GATAD2A: variants seen among roughly 807,000 people sequenced by gnomAD.
The protein encoded by GATAD2A is transcriptional repressor p66-alpha.
In GATAD2A, 12 loss-of-function variants were observed where a neutral mutation model predicts 68.5. The observed-to-expected ratio is 0.18, with a 90% CI of 0.11 to 0.28. The LOEUF is 0.28. Ranked by LOEUF, GATAD2A falls within the 10% of genes least tolerant of loss-of-function variation. GATAD2A has a pLI of 1.00. For missense variants in GATAD2A, 755 were observed against 868.5 expected (o/e 0.87, Z 1.64); for synonymous variants, 410 against 375.3 (o/e 1.09, Z -1.07).
chr19:19,454,736 C>CCA (rs1555707204), intron 1 of GATAD2A, among the ~76,000 whole-genome samples: 3 of 128,654 alleles, frequency 2.3e-5, no homozygotes, highest in Admixed American at 1.6e-4. Flanking sequence ...GTGCCCCCCC[C>CCA]CACCCCCTTA....
rs373322428 is a variant in GATAD2A at position 19,465,431 on chromosome 19, T to C, written c.86T>C (p.Ile29Thr). 2 of 1,613,236 alleles carry C rather than the reference T, an allele frequency of 1.2e-6. No individual in the cohort carries two copies. Among genetic ancestry groups the C allele is most frequent in the Middle Eastern group, 1.6e-4 (1 of 6,062 alleles). Residue 29 changes from isoleucine (I) to threonine (T), a missense_variant, in exon 2 of 12, where the codon ATA becomes ACA. Coordinates refer to ENST00000683918, the MANE Select transcript of GATAD2A (RefSeq NM_001384528.1). ...PTEDDVESKK[I>T]KMERGLLASD... ...GAGGACGATGTGGAGAGCAAGAAAATAAAAATGGAGAGAGGATTGTTGGCT... is the reference window on the plus strand; with the variant it reads ...GAGGACGATGTGGAGAGCAAGAAAACAAAAATGGAGAGAGGATTGTTGGCT...
intron 2 of GATAD2A, among the ~76,000 whole-genome samples, chr19:19,481,744 G>T (rs1315816966): frequency 1.3e-5 from 2 of 152,302 alleles, no homozygotes; most frequent in East Asian, 3.9e-4. Flanking sequence ...ACACCTCAGG[G>T]ACTTAGCTTG....
intron 1 of GATAD2A, among the ~76,000 whole-genome samples, chr19:19,440,823 C>T (rs1481835340): frequency 2.6e-5 from 4 of 152,224 alleles, no homozygotes; most frequent in Admixed American, 6.5e-5. Context: ...TTTCTGATAA[C>T]TTTAAAACGT....
chr19:19,441,426 C>T (rs1171515998), intron 1 of GATAD2A, among the ~76,000 whole-genome samples: 1 of 151,026 alleles, frequency 6.6e-6, no homozygotes, highest in Non-Finnish European at 1.5e-5. Flanking sequence ...TCTTGCTCTG[C>T]CACCTAGGCT....
At chr19:19,398,983 CG>C (rs1416969237) in intron 1 of GATAD2A, among the ~76,000 whole-genome samples, 3 of 152,044 alleles carry the variant, frequency 2.0e-5, no homozygotes, top group Non-Finnish European at 4.4e-5. Flanking sequence ...CGCTTGAACC[CG>C]GGCAGCAGGG....
intron 1 of GATAD2A, among the ~76,000 whole-genome samples, chr19:19,460,952 T>C (rs2057379693): frequency 6.6e-6 from 1 of 152,138 alleles, no homozygotes; most frequent in Non-Finnish European, 1.5e-5. Flanking sequence ...CGTCCCTCTG[T>C]GTGCTCTGAC....
chr19:19,490,764 T>C (rs1468653278), intron 2 of GATAD2A, among the ~76,000 whole-genome samples: 1 of 152,136 alleles, frequency 6.6e-6, no homozygotes, highest in Non-Finnish European at 1.5e-5. Context: ...TGCATGCCTG[T>C]AATCCAGCTA....
intron 1 of GATAD2A, among the ~76,000 whole-genome samples, chr19:19,455,432 G>A (rs1018549991): frequency 2.6e-5 from 4 of 152,122 alleles, no homozygotes; most frequent in African/African-American, 9.7e-5. Context: ...AGAGGTTGCA[G>A]TGAGCTGAGA....
Position 19,388,134 on chromosome 19 carries a change from C to T in GATAD2A, c.-7+1996C>T, listed in dbSNP as rs570287079. Among the ~76,000 whole-genome samples the T allele has an allele frequency of 4.6e-5, 7 of 151,394 alleles. No individual in the cohort carries two copies. In the South Asian group the frequency reaches 1.3e-3, roughly 27 times the overall value. The stretch of plus-strand genomic sequence containing the variant: ...TGCAATGGTGTGATCTCTGGCTCAC[C>T]GCAACCTCCGCCTCCTGGGTTCAAG... On this transcript the variant is annotated intron_variant, in intron 1 of 11. Transcript: ENST00000360315.
At chr19:19,500,758 C>T (rs1378167603) in intron 8 of GATAD2A, among the ~76,000 whole-genome samples, 5 of 152,228 alleles carry the variant, frequency 3.3e-5, no homozygotes, top group South Asian at 2.1e-4. Flanking sequence ...GGGGGTTCCC[C>T]GTCCTAAGAA....
At chr19:19,502,622 C>G (rs1001549037) in intron 11 of GATAD2A, 96 bp downstream of exon 11, 17 of 944,852 alleles carry the variant, frequency 1.8e-5, no homozygotes, top group Middle Eastern at 4.8e-4. Context: ...CGGGTGAACC[C>G]CCAGGCCCGC....
intron 1 of GATAD2A, among the ~76,000 whole-genome samples, chr19:19,433,945 A>T (rs964682304): frequency 2.6e-4 from 39 of 152,060 alleles, no homozygotes; most frequent in African/African-American, 5.5e-4. Flanking sequence ...ATTTTCAAAA[A>T]TTTTTTTTGT....
rs1374518594 is a variant in GATAD2A at position 19,508,554 on chromosome 19, A to G, written c.*3080A>G. 1 of 152,258 alleles carries G rather than the reference A, an allele frequency of 6.6e-6. No homozygotes were observed. Among genetic ancestry groups the G allele is most frequent in the South Asian group, 2.1e-4 (1 of 4,820 alleles). 9.4% of individuals were successfully genotyped at this position (152,258 alleles called of 1,614,324 possible). A position where few individuals can be genotyped will look rare whatever the true frequency, so the allele number is the denominator to read the frequency against. ...GGCAGGGGAGAGACTTCTCTATACA[A>G]ATATTCTCATCACAGAAGGGATGAT... On this transcript the variant is annotated 3_prime_UTR_variant, in exon 12 of 12. Coordinates refer to ENST00000683918, the MANE Select transcript of GATAD2A (RefSeq NM_001384528.1).
intron 1 of GATAD2A, among the ~76,000 whole-genome samples, chr19:19,389,591 T>C (rs2048699609): frequency 6.6e-6 from 1 of 152,168 alleles, no homozygotes; most frequent in Non-Finnish European, 1.5e-5. Context: ...CTGGGCTAAG[T>C]CAAGTCCAGG....
At chr19:19,469,695 C>G (rs943392337) in intron 2 of GATAD2A, among the ~76,000 whole-genome samples, 1 of 152,156 alleles carries the variant, frequency 6.6e-6, no homozygotes, top group Non-Finnish European at 1.5e-5. Context: ...GCCTGTAATG[C>G]CAGCACTTTG....
intron 2 of GATAD2A, among the ~76,000 whole-genome samples, chr19:19,469,431 C>CAAAAAAAAGAA (rs2058099341): frequency 7.6e-6 from 1 of 132,198 alleles, no homozygotes; most frequent in Non-Finnish European, 1.6e-5. Context: ...GACTCCATCT[C>CAAAAAAAAGAA]AAAAAAAAAG....
intron 1 of GATAD2A, among the ~76,000 whole-genome samples, chr19:19,437,862 G>T (rs1176123697): frequency 6.6e-6 from 1 of 152,124 alleles, no homozygotes; most frequent in Admixed American, 6.5e-5. Flanking sequence ...TTTAGTTATT[G>T]TGAATAGTGC....
chr19:19,493,603 A>G (rs1358014743), intron 4 of GATAD2A, among the ~76,000 whole-genome samples: 1 of 152,126 alleles, frequency 6.6e-6, no homozygotes, highest in Non-Finnish European at 1.5e-5. Flanking sequence ...CCGACCTTCC[A>G]AGTACTTTAG....
chr19:19,400,607 C>T (rs2049636098), intron 1 of GATAD2A, among the ~76,000 whole-genome samples: 1 of 152,148 alleles, frequency 6.6e-6, no homozygotes, highest in Non-Finnish European at 1.5e-5. Context: ...TAGCTATTTT[C>T]TGGTCCCTCC....
Sources: allele counts gnomAD v4.1 joint callset (sites outside exome capture counted in the v4.1 genomes callset), GRCh38; gene constraint gnomAD v4.1.1; transcripts MANE v1.5; gene names NCBI Gene and HGNC (gene_info 2026-07-23, HGNC 2026-07-21).